Variants in EYA2 observed in about 807,000 individuals in gnomAD.
The protein encoded by EYA2 is protein phosphatase EYA2.
In EYA2, 31 loss-of-function variants were observed where a neutral mutation model predicts 69.2. The ratio of observed to expected loss-of-function variants is 0.45; its 90% CI spans 0.34 to 0.60. The LOEUF is 0.60. EYA2 is among the 20% of genes least tolerant of loss of function. The pLI is 0.02. For synonymous variants in EYA2, 257 were observed against 279.4 expected, an observed-to-expected ratio of 0.92 and a Z score of 0.80; for missense variants, 622 against 701.2, an observed-to-expected ratio of 0.89 and a Z score of 1.28.
chr20:47,099,644 G>A (rs1018753161), intron 9 of EYA2, among the ~76,000 whole-genome samples: 6 of 152,220 alleles, frequency 3.9e-5, no homozygotes, highest in African/African-American at 1.4e-4. Context: ...GGGCACACTG[G>A]AAGCCTCTGC....
intron 9 of EYA2, among the ~76,000 whole-genome samples, chr20:47,113,115 C>G (rs781144923): frequency 6.6e-6 from 1 of 151,956 alleles, no homozygotes; most frequent in African/African-American, 2.4e-5. Context: ...TCAAGTGATA[C>G]GCCCACCTCA....
chr20:46,935,880 G>C (rs982555062), intron 1 of EYA2, among the ~76,000 whole-genome samples: 1 of 151,502 alleles, frequency 6.6e-6, no homozygotes, highest in African/African-American at 2.4e-5. Context: ...ATTATTATTC[G>C]GTAGTAGTAG....
At position 46,976,010 on chromosome 20, in the gene EYA2, G is replaced by A. The variant is rs115076273; in HGVS notation, c.-10-13991G>A. 2.7e-3 allele frequency among the ~76,000 whole-genome samples: 408 copies of A among 152,258 alleles called. 4 individuals carry two copies. The highest frequency in any genetic ancestry group is 9.5e-3 in the African/African-American group (396 of 41,560). On this transcript the variant is annotated intron_variant, in intron 1 of 15. Coordinates refer to ENST00000327619, the MANE Select transcript of EYA2 (RefSeq NM_005244.5). Reference sequence around the variant, plus strand: ...CATAGGACTCCCTAGGACTCAGTCCGCTTGGCTGAAGGATGGTGCTCTGAA... The same window carrying A: ...CATAGGACTCCCTAGGACTCAGTCCACTTGGCTGAAGGATGGTGCTCTGAA...
intron 5 of EYA2, among the ~76,000 whole-genome samples, chr20:47,052,473 T>A (rs959417536): frequency 1.3e-5 from 2 of 152,222 alleles, no homozygotes; most frequent in East Asian, 3.8e-4. Flanking sequence ...ATTGCTCAGC[T>A]ACTGCTGGGC....
At position 46,971,853 on chromosome 20, in the gene EYA2, T is replaced by C. The variant is rs148308972; in HGVS notation, c.-10-18148T>C. Among the ~76,000 whole-genome samples, 38 of 152,352 alleles carry C rather than the reference T, an allele frequency of 2.5e-4. 1 individual carries two copies. Among genetic ancestry groups the C allele is most frequent in the Admixed American group, 2.2e-3 (33 of 15,306 alleles). ...GAGGCTGTAGTGTCATTTTTCAATA[T>C]TCATTTCGCTGGTACTCATTGCCTG... On this transcript the variant is annotated intron_variant, in intron 1 of 15. Coordinates refer to ENST00000327619, the MANE Select transcript of EYA2 (RefSeq NM_005244.5).
At chr20:46,941,129 T>C (rs1986138278) in intron 1 of EYA2, among the ~76,000 whole-genome samples, 1 of 152,232 alleles carries the variant, frequency 6.6e-6, no homozygotes, top group Non-Finnish European at 1.5e-5. Context: ...ACCCCCGTGC[T>C]GGATGGTGCC....
intron 4 of EYA2, among the ~76,000 whole-genome samples, chr20:47,015,853 C>G (rs976347214): frequency 6.6e-6 from 1 of 152,234 alleles, no homozygotes; most frequent in African/African-American, 2.4e-5. Flanking sequence ...GAATTGGGAG[C>G]CCACAGGGGC....
chr20:47,134,175 G>A (rs1001878259), intron 9 of EYA2, among the ~76,000 whole-genome samples: 9 of 152,190 alleles, frequency 5.9e-5, no homozygotes, highest in East Asian at 1.9e-4. Context: ...ACCAGATAGC[G>A]TAGATGTCTG....
At chr20:46,965,285 C>T (rs574529418) in intron 1 of EYA2, among the ~76,000 whole-genome samples, 5 of 152,364 alleles carry the variant, frequency 3.3e-5, no homozygotes, top group African/African-American at 1.2e-4. Context: ...TACTGAGCAA[C>T]TACAGCCCAG....
At chr20:46,958,136 A>C (rs1000159165) in intron 1 of EYA2, among the ~76,000 whole-genome samples, 3 of 152,192 alleles carry the variant, frequency 2.0e-5, no homozygotes, top group Non-Finnish European at 4.4e-5. Flanking sequence ...CCTCGCTTGC[A>C]GTGATGGCAT....
At chr20:47,058,914 G>A (rs1377299179) in intron 5 of EYA2, among the ~76,000 whole-genome samples, 1 of 152,172 alleles carries the variant, frequency 6.6e-6, no homozygotes, top group Non-Finnish European at 1.5e-5. Flanking sequence ...ACTTAATGCT[G>A]GGAGAAAACA....
At chr20:47,112,204 C>T (rs1032651365) in intron 9 of EYA2, among the ~76,000 whole-genome samples, 3 of 151,926 alleles carry the variant, frequency 2.0e-5, no homozygotes, top group East Asian at 1.9e-4. Flanking sequence ...TACATATGTG[C>T]GGTAAAGGTA....
chr20:46,986,994 G>A (rs765842688), intron 1 of EYA2, among the ~76,000 whole-genome samples: 2 of 152,164 alleles, frequency 1.3e-5, no homozygotes, highest in Non-Finnish European at 1.5e-5. Context: ...CTATGTGCAA[G>A]CCTGAGATAA....
chr20:47,027,427 C>T (rs1469839853), intron 5 of EYA2, among the ~76,000 whole-genome samples: 1 of 152,224 alleles, frequency 6.6e-6, no homozygotes, highest in African/African-American at 2.4e-5. Flanking sequence ...CCATGCATGT[C>T]AGCATTCTCG....
At chr20:46,942,696 T>C (rs533363254) in intron 1 of EYA2, among the ~76,000 whole-genome samples, 1 of 152,286 alleles carries the variant, frequency 6.6e-6, no homozygotes, top group Non-Finnish European at 1.5e-5. Context: ...CCAAGCCAGG[T>C]CCCATCATCT....
intron 12 of EYA2, among the ~76,000 whole-genome samples, chr20:47,176,956 T>C (rs1387541776): frequency 6.6e-6 from 1 of 151,644 alleles, no homozygotes; most frequent in Non-Finnish European, 1.5e-5. Context: ...CACACCCGGC[T>C]AATTTTTGTA....
intron 9 of EYA2, among the ~76,000 whole-genome samples, chr20:47,138,912 T>G (rs2033535326): frequency 6.6e-6 from 1 of 152,222 alleles, no homozygotes; most frequent in Non-Finnish European, 1.5e-5. Flanking sequence ...ATGGAAAATA[T>G]AGTAACATTT....
chr20:47,061,696 A>G (rs2030897463), intron 5 of EYA2, among the ~76,000 whole-genome samples: 1 of 152,206 alleles, frequency 6.6e-6, no homozygotes, highest in African/African-American at 2.4e-5. Context: ...GTTTACAGCA[A>G]TTAGATACGG....
At chr20:47,013,913 A>C (rs1983242736) in intron 4 of EYA2, among the ~76,000 whole-genome samples, 1 of 152,162 alleles carries the variant, frequency 6.6e-6, no homozygotes, top group South Asian at 2.1e-4. Flanking sequence ...AAACCCCTTC[A>C]CACCTGTTAT....
Sources: allele counts gnomAD v4.1 joint callset (sites outside exome capture counted in the v4.1 genomes callset), GRCh38; gene constraint gnomAD v4.1.1; transcripts MANE v1.5; gene names NCBI Gene and HGNC (gene_info 2026-07-23, HGNC 2026-07-21).